Variants in ABCB11 observed in about 807,000 individuals in gnomAD.
ABCB11 encodes the protein bile salt export pump.
ABCB11 carries 95 observed loss-of-function variants against 148.0 expected under a neutral mutation model. The ratio of observed to expected loss-of-function variants is 0.64; its 90% CI spans 0.54 to 0.76. The LOEUF is 0.76. Ranked by LOEUF, ABCB11 falls within the 30% of genes least tolerant of loss-of-function variation. The pLI, the probability that ABCB11 is intolerant of heterozygous loss-of-function variation, is 0.00. For synonymous variants in ABCB11, 591 were observed against 555.4 expected (o/e 1.06, Z -0.90); for missense variants, 1,523 against 1,617.8 (o/e 0.94, Z 1.01).
chr2:168,944,714 A>C lies in ABCB11; in HGVS notation c.2501T>G (p.Phe834Cys). The C allele has an allele frequency of 6.2e-7, 1 of 1,612,866 alleles. No individual in the cohort carries two copies. Among genetic ancestry groups the C allele is most frequent in the Non-Finnish European group, 8.5e-7 (1 of 1,179,224 alleles). Residue 834 changes from phenylalanine to cysteine, a missense_variant, in exon 21 of 28, where the codon TTT (phenylalanine) becomes TGT (cysteine). Transcript: ENST00000650372. ...TTGCCCCAGCATTGCCCTGAAACCA[A>C]ATTTACGTAGCCTTTTTGTTAGGAG... ...GELLTKRLRKFGFRAMLGQDI... is the reference protein window; with the variant it reads ...GELLTKRLRKCGFRAMLGQDI...
chr2:168,958,818 G>T (rs1692919448), intron 18 of ABCB11, among the ~76,000 whole-genome samples: 2 of 151,562 alleles, frequency 1.3e-5, no homozygotes, highest in Admixed American at 6.6e-5. Flanking sequence ...GACCTCCGTT[G>T]TCTTTTTTGG....
downstream of ABCB11, among the ~76,000 whole-genome samples, chr2:168,917,924 T>C (rs551012940): frequency 8.5e-5 from 13 of 152,332 alleles, no homozygotes; most frequent in South Asian, 2.7e-3. Flanking sequence ...TCTGAATATT[T>C]AGTAGATAAT....
chr2:168,958,912 C>T (rs1692923996), intron 18 of ABCB11, among the ~76,000 whole-genome samples: 5 of 151,656 alleles, frequency 3.3e-5, no homozygotes, highest in Non-Finnish European at 7.4e-5. Context: ...TTATTACCCA[C>T]TTTGAGAAAG....
At chr2:168,931,136 G>C (rs1331536272) in intron 24 of ABCB11, among the ~76,000 whole-genome samples, 1 of 152,134 alleles carries the variant, frequency 6.6e-6, no homozygotes, top group East Asian at 1.9e-4. Context: ...ATCTATTCCT[G>C]ACATTCTGAA....
intron 5 of ABCB11, among the ~76,000 whole-genome samples, chr2:168,999,548 G>T (rs1694813050): frequency 6.6e-6 from 1 of 151,938 alleles, no homozygotes; most frequent in Non-Finnish European, 1.5e-5. Context: ...CTGTAATTTT[G>T]TCATTTCAAG....
intron 9 of ABCB11, among the ~76,000 whole-genome samples, chr2:168,990,112 G>A (rs554721962): frequency 6.6e-6 from 1 of 152,072 alleles, no homozygotes; most frequent in Admixed American, 6.6e-5. Context: ...AGGTAATATT[G>A]GCCTTGTAAA....
chr2:169,008,501 C>T (rs555175527), intron 5 of ABCB11, among the ~76,000 whole-genome samples: 3 of 152,290 alleles, frequency 2.0e-5, no homozygotes, highest in African/African-American at 7.2e-5. Context: ...TAGTCTCCCC[C>T]ATCTCGATAT....
At chr2:168,942,826 AC>A (rs1466443004) in intron 21 of ABCB11, among the ~76,000 whole-genome samples, 1 of 151,952 alleles carries the variant, frequency 6.6e-6, no homozygotes, top group African/African-American at 2.4e-5. Context: ...ATCAATTCAG[AC>A]TAGAGAATCT....
Position 168,922,157 on chromosome 2 carries a change from T to C in ABCB11, c.*1465A>G, listed in dbSNP as rs1268330408. 6.6e-6 allele frequency among the ~76,000 whole-genome samples: 1 copy of C among 152,144 alleles called. No homozygotes were observed. The highest frequency in any genetic ancestry group is 2.4e-5 in the African/African-American group (1 of 41,436). ...AGCCACAGCGCCTGGCCCGACCTCT[T>C]TTCTAAGATTGGCCAATTTCCCCAG... On this transcript the variant is annotated 3_prime_UTR_variant, in exon 28 of 28. Coordinates refer to ENST00000650372, the MANE Select transcript of ABCB11 (RefSeq NM_003742.4).
Position 168,969,429 on chromosome 2 carries a change from C to T in ABCB11, c.1932G>A (p.Leu644=), listed in dbSNP as rs750100537. ...AVERGTHEEL[L]ERKGVYFTLV... Reference sequence around the variant, plus strand: ...GAGTGAAGTAAACACCTTTCCTTTCCAGTAATTCTTCATGGGTCCCTCTTT... The same window carrying T: ...GAGTGAAGTAAACACCTTTCCTTTCTAGTAATTCTTCATGGGTCCCTCTTT... The change falls in exon 16 of 28, where the codon CTG becomes CTA. Residue 644 remains leucine, a synonymous_variant. Transcript: ENST00000650372. The T allele has an allele frequency of 2.7e-5, 43 of 1,612,474 alleles. 2 individuals are homozygous for T. Among genetic ancestry groups the T allele is most frequent in the South Asian group, 2.0e-4 (18 of 91,026 alleles).
In ABCB11 at chr2:168,965,860, T is replaced by C. The variant is rs536194091; in HGVS notation, c.2076-1552A>G. 2.0e-5 allele frequency among the ~76,000 whole-genome samples: 3 copies of C among 151,986 alleles called. No homozygotes were observed. The East Asian group carries it at 5.9e-4, about 30-fold the overall frequency. On this transcript the variant is annotated intron_variant, in intron 17 of 27. Coordinates refer to ENST00000650372, the MANE Select transcript of ABCB11 (RefSeq NM_003742.4). ...TAGCCTTCCAGAGAAGGCAGTAATGTATCAACTGAGTTGCTCCAATTTGTT... is the reference window on the plus strand; with the variant it reads ...TAGCCTTCCAGAGAAGGCAGTAATGCATCAACTGAGTTGCTCCAATTTGTT...
chr2:168,944,591 C>G lies in ABCB11; in HGVS notation c.2610+14G>C. ...TGCAGTTAATATACTTCTATTTCCC[C>G]TCCCATAGCTCACCCCTTGAACTTG... On this transcript the variant is annotated intron_variant, in intron 21 of 27. Coordinates refer to ENST00000650372, the MANE Select transcript of ABCB11 (RefSeq NM_003742.4). 1 of 1,576,738 alleles carries G rather than the reference C, an allele frequency of 6.3e-7. No individual in the cohort carries two copies. Among genetic ancestry groups the G allele is most frequent in the East Asian group, 2.3e-5 (1 of 44,426 alleles).
chr2:168,988,491 C>A (rs1453062958), intron 9 of ABCB11, among the ~76,000 whole-genome samples: 1 of 152,092 alleles, frequency 6.6e-6, no homozygotes, highest in Non-Finnish European at 1.5e-5. Flanking sequence ...AATTTACACA[C>A]ACATTTTCTT....
intron 4 of ABCB11, 54 bp from the exon 5 acceptor site, chr2:169,013,564 G>T: frequency 7.0e-7 from 1 of 1,426,822 alleles, no homozygotes; most frequent in African/African-American, 1.4e-5. Flanking sequence ...AGGAGAGGTA[G>T]GAGGACTACT....
At chr2:168,932,343 CT>C (rs34080185) in intron 24 of ABCB11, 33 bp downstream of exon 24, 1 of 1,533,092 alleles carries the variant, frequency 6.5e-7, no homozygotes, top group Non-Finnish European at 8.8e-7. Context: ...TGAACTCATC[CT>C]TTTTTATGGC....
intron 22 of ABCB11, 104 bp from the exon 23 acceptor site, chr2:168,935,529 T>A: frequency 7.1e-7 from 1 of 1,415,054 alleles, no homozygotes; most frequent in Non-Finnish European, 9.5e-7. Flanking sequence ...CAGAATGTGG[T>A]ACAAATCAGA....
At chr2:168,941,393 C>G (rs1186970915) in intron 21 of ABCB11, among the ~76,000 whole-genome samples, 1 of 151,946 alleles carries the variant, frequency 6.6e-6, no homozygotes, top group Non-Finnish European at 1.5e-5. Context: ...GAAGTTGATT[C>G]CAACCCTCAC....
chr2:168,932,978 G>T (rs1216231746), intron 23 of ABCB11, among the ~76,000 whole-genome samples: 2 of 151,890 alleles, frequency 1.3e-5, no homozygotes, highest in Non-Finnish European at 2.9e-5. Context: ...GCGTGGTGGT[G>T]GTCGCCTGTG....
intron 21 of ABCB11, 44 bp downstream of exon 21, chr2:168,944,561 G>A (rs1209272954): frequency 6.5e-7 from 1 of 1,528,688 alleles, no homozygotes. Flanking sequence ...ATGAAAGAAT[G>A]CCAATGCAGT....
Sources: allele counts gnomAD v4.1 joint callset (sites outside exome capture counted in the v4.1 genomes callset), GRCh38; gene constraint gnomAD v4.1.1; transcripts MANE v1.5; gene names NCBI Gene and HGNC (gene_info 2026-07-23, HGNC 2026-07-21).